Variants in SORCS3 observed in about 807,000 individuals in gnomAD.
SORCS3 encodes the protein VPS10 domain-containing receptor SorCS3.
A neutral mutation model predicts 146.3 loss-of-function variants in SORCS3; 57 were observed. The ratio of observed to expected loss-of-function variants is 0.39; its 90% CI spans 0.31 to 0.49. The LOEUF is 0.49. Among genes scored for constraint, SORCS3 ranks in the 20% least tolerant of loss-of-function variants. The pLI is 0.92. For synonymous variants in SORCS3, 653 were observed against 618.5 expected (o/e 1.06, Z -0.83); for missense variants, 1,341 against 1,575.5 (o/e 0.85, Z 2.52).
At chr10:104,980,084 C>A (rs1021599130) in intron 4 of SORCS3, among the ~76,000 whole-genome samples, 4 of 152,190 alleles carry the variant, frequency 2.6e-5, no homozygotes, top group Non-Finnish European at 5.9e-5. Flanking sequence ...ATGAAGTACC[C>A]TTATGGATAT....
At chr10:105,191,313 A>G (rs2056515676) in intron 14 of SORCS3, among the ~76,000 whole-genome samples, 1 of 152,240 alleles carries the variant, frequency 6.6e-6, no homozygotes, top group Non-Finnish European at 1.5e-5. Context: ...GAAGGAAAAG[A>G]AGCAAGGAGG....
At chr10:104,650,349 C>T (rs779188736) in intron 1 of SORCS3, among the ~76,000 whole-genome samples, 2 of 152,050 alleles carry the variant, frequency 1.3e-5, no homozygotes, top group Non-Finnish European at 2.9e-5. Flanking sequence ...GGAATTGTTC[C>T]GAAGGAGGGA....
intron 14 of SORCS3, among the ~76,000 whole-genome samples, chr10:105,182,230 CTTTTTTTTT>C (rs11340368): frequency 5.7e-5 from 4 of 70,482 alleles, no homozygotes; most frequent in African/African-American, 2.1e-4. Context: ...TATTCAGCAT[CTTTTTTTTT>C]TTTTTTTTTT....
chr10:104,684,533 A>G (rs2016018588), intron 1 of SORCS3, among the ~76,000 whole-genome samples: 1 of 152,134 alleles, frequency 6.6e-6, no homozygotes, highest in South Asian at 2.1e-4. Flanking sequence ...CTTGCCCTTG[A>G]ACATTGGCAG....
intron 3 of SORCS3, among the ~76,000 whole-genome samples, chr10:104,956,911 A>G (rs760462732): frequency 1.3e-5 from 2 of 152,180 alleles, no homozygotes; most frequent in Non-Finnish European, 2.9e-5. Flanking sequence ...CCCTGGAGCT[A>G]TAGTGAGTGT....
chr10:105,033,288 A>G (rs1448381831), intron 4 of SORCS3, among the ~76,000 whole-genome samples: 1 of 152,204 alleles, frequency 6.6e-6, no homozygotes, highest in Non-Finnish European at 1.5e-5. Flanking sequence ...CAAGAAGGTA[A>G]CATAAAAGAT....
chr10:104,712,407 A>T (rs1350107126), intron 1 of SORCS3, among the ~76,000 whole-genome samples: 1 of 152,236 alleles, frequency 6.6e-6, no homozygotes, highest in Non-Finnish European at 1.5e-5. Context: ...CCTTGCAAAG[A>T]CAAGCTTGAG....
intron 4 of SORCS3, among the ~76,000 whole-genome samples, chr10:105,020,331 C>A (rs1046678632): frequency 5.3e-5 from 8 of 152,144 alleles, no homozygotes; most frequent in Admixed American, 5.2e-4. Flanking sequence ...ATGAAGTTAC[C>A]AAGTCTTCAT....
intron 6 of SORCS3, among the ~76,000 whole-genome samples, chr10:105,098,950 G>A (rs1230160667): frequency 1.3e-5 from 2 of 152,156 alleles, no homozygotes; most frequent in African/African-American, 2.4e-5. Context: ...GATAATGCTG[G>A]GATTCTCCTA....
chr10:105,234,854 G>T (rs1024121193), intron 20 of SORCS3, among the ~76,000 whole-genome samples: 2 of 151,990 alleles, frequency 1.3e-5, no homozygotes, highest in South Asian at 4.2e-4. Flanking sequence ...CATCCCTGTT[G>T]TATCAGACTC....
At chr10:105,137,486 C>A (rs949205025) in intron 7 of SORCS3, among the ~76,000 whole-genome samples, 1 of 140,782 alleles carries the variant, frequency 7.1e-6, no homozygotes, top group African/African-American at 2.5e-5. Flanking sequence ...ATGTGAATTT[C>A]ACCTCAAATT....
intron 5 of SORCS3, among the ~76,000 whole-genome samples, chr10:105,059,004 C>T (rs1207421883): frequency 1.3e-5 from 2 of 152,154 alleles, no homozygotes; most frequent in East Asian, 1.9e-4. Context: ...TCTTCGGCCC[C>T]ACCTGGAAAT....
chr10:104,913,020 C>G (rs1475745417), intron 2 of SORCS3, among the ~76,000 whole-genome samples: 1 of 152,150 alleles, frequency 6.6e-6, no homozygotes, highest in Non-Finnish European at 1.5e-5. Flanking sequence ...GAATGTAGGA[C>G]ATGCTCAGGA....
At chr10:104,664,150 T>A (rs2133250936) in intron 1 of SORCS3, among the ~76,000 whole-genome samples, 1 of 152,208 alleles carries the variant, frequency 6.6e-6, no homozygotes, top group South Asian at 2.1e-4. Context: ...GTGCAGGCTG[T>A]CTTGGGGTGA....
intron 13 of SORCS3, among the ~76,000 whole-genome samples, chr10:105,176,313 G>A (rs2056401162): frequency 6.6e-6 from 1 of 152,046 alleles, no homozygotes; most frequent in Admixed American, 6.6e-5. Flanking sequence ...GGGAGTCCGA[G>A]TGGGAGGATT....
intron 5 of SORCS3, among the ~76,000 whole-genome samples, chr10:105,086,033 A>T (rs2055658340): frequency 6.6e-6 from 1 of 151,792 alleles, no homozygotes; most frequent in Non-Finnish European, 1.5e-5. Flanking sequence ...GTTTTTATAG[A>T]CCTGATATTC....
intron 1 of SORCS3, among the ~76,000 whole-genome samples, chr10:104,830,558 A>G (rs1379290801): frequency 6.6e-6 from 1 of 152,134 alleles, no homozygotes; most frequent in Admixed American, 6.5e-5. Flanking sequence ...CAGAAGCCAG[A>G]TATGTGGAGA....
chr10:105,200,202 T>A (rs1282864117), intron 15 of SORCS3, 86 bp downstream of exon 15: 8 of 1,030,800 alleles, frequency 7.8e-6, no homozygotes, highest in African/African-American at 1.6e-5. Flanking sequence ...GCCTTCCTAT[T>A]TAGGGGAGGA....
intron 4 of SORCS3, among the ~76,000 whole-genome samples, chr10:105,011,383 T>C (rs1890829): frequency 0.18 from 28,083 of 152,136 alleles, 2,640 homozygotes; most frequent in South Asian, 0.25. Flanking sequence ...GATATGCTTT[T>C]TGTCTATTTG....
Sources: gnomAD v4.1 joint callset for allele counts (sites outside exome capture counted in the v4.1 genomes callset) on GRCh38, gnomAD v4.1.1 for gene constraint, MANE v1.5 for transcripts, NCBI Gene and HGNC (gene_info 2026-07-23, HGNC 2026-07-21) for gene names.